The following SYT1 variants were observed in gnomAD, a reference collection of about 807,000 sequenced individuals.
SYT1 encodes the protein synaptotagmin 1.
SYT1 carries 8 observed loss-of-function variants against 44.8 expected under a neutral mutation model. The observed-to-expected ratio is 0.18, with a 90% CI of 0.10 to 0.32. SYT1 has a LOEUF of 0.32. Among genes scored for constraint, SYT1 ranks in the 10% least tolerant of loss-of-function variants. SYT1 has a pLI of 1.00. For synonymous variants in SYT1, 154 were observed against 188.8 expected, an observed-to-expected ratio of 0.82 and a Z score of 1.51; for missense variants, 286 against 509.3, an observed-to-expected ratio of 0.56 and a Z score of 4.22.
intron 3 of SYT1, among the ~76,000 whole-genome samples, chr12:79,049,899 C>T (rs551138370): frequency 5.9e-5 from 9 of 151,986 alleles, no homozygotes; most frequent in African/African-American, 1.9e-4. Flanking sequence ...GCATTTATTG[C>T]TTACAAAAGG....
At chr12:78,929,444 A>AAAAAAAAAAAAAAAAAAAAAAAAT (rs1877507283) in intron 1 of SYT1, among the ~76,000 whole-genome samples, 1 of 146,164 alleles carries the variant, frequency 6.8e-6, no homozygotes, top group Admixed American at 6.9e-5. Flanking sequence ...AAAAAAAAAA[A>AAAAAAAAAAAAAAAAAAAAAAAAT]AAGGTTATTA....
chr12:79,296,864 C>A (rs1879898001), intron 7 of SYT1, among the ~76,000 whole-genome samples: 1 of 152,134 alleles, frequency 6.6e-6, no homozygotes, highest in Non-Finnish European at 1.5e-5. Context: ...GAAAACATGT[C>A]CTGCAGGTCT....
At chr12:79,214,428 G>C (rs748620348) in intron 3 of SYT1, among the ~76,000 whole-genome samples, 1 of 152,022 alleles carries the variant, frequency 6.6e-6, no homozygotes, top group Non-Finnish European at 1.5e-5. Flanking sequence ...AAAAAAAGCT[G>C]GGTAACTTTA....
At chr12:79,052,473 A>G (rs1166573102) in intron 3 of SYT1, among the ~76,000 whole-genome samples, 1 of 152,210 alleles carries the variant, frequency 6.6e-6, no homozygotes. Context: ...AAAACACCAA[A>G]AGCAATGGCA....
intron 8 of SYT1, among the ~76,000 whole-genome samples, chr12:79,324,904 G>T (rs1881541996): frequency 6.6e-6 from 1 of 152,160 alleles, no homozygotes; most frequent in African/African-American, 2.4e-5. Flanking sequence ...CTACCTTTGA[G>T]ATACCATGAC....
intron 1 of SYT1, among the ~76,000 whole-genome samples, chr12:78,928,820 T>G (rs1289230248): frequency 6.6e-6 from 1 of 152,140 alleles, no homozygotes; most frequent in Non-Finnish European, 1.5e-5. Context: ...ATTTCCAAAA[T>G]TTTTTATTTA....
At chr12:78,977,570 T>C (rs2137423018) in intron 1 of SYT1, 1 of 152,368 alleles carries the variant, frequency 6.6e-6, no homozygotes, top group East Asian at 1.9e-4. Context: ...TTGAAATGTT[T>C]GTTCTTCTAG....
chr12:79,272,276 T>G (rs193054604), intron 4 of SYT1, among the ~76,000 whole-genome samples: 2 of 152,292 alleles, frequency 1.3e-5, no homozygotes, highest in East Asian at 3.9e-4. Context: ...GACAGAGGAC[T>G]TTGAACACTG....
At chr12:78,958,156 A>G (rs997835387) in intron 1 of SYT1, among the ~76,000 whole-genome samples, 1 of 152,156 alleles carries the variant, frequency 6.6e-6, no homozygotes, top group African/African-American at 2.4e-5. Context: ...TAATAAATGG[A>G]TTATGCTTCT....
intron 3 of SYT1, among the ~76,000 whole-genome samples, chr12:79,172,840 C>G (rs1362927741): frequency 6.6e-6 from 1 of 151,306 alleles, no homozygotes; most frequent in African/African-American, 2.4e-5. Flanking sequence ...CTTGGAAATA[C>G]TATGATCATT....
chr12:79,103,308 T>C (rs1878537819), intron 3 of SYT1, among the ~76,000 whole-genome samples: 1 of 152,192 alleles, frequency 6.6e-6, no homozygotes, highest in Non-Finnish European at 1.5e-5. Context: ...TTTCCTTATC[T>C]TTGGGCTTTG....
At chr12:79,053,484 G>A (rs934899249) in intron 3 of SYT1, among the ~76,000 whole-genome samples, 6 of 150,996 alleles carry the variant, frequency 4.0e-5, no homozygotes, top group East Asian at 1.9e-4. Flanking sequence ...TTGTGCACAC[G>A]CACCCCAAAA....
At chr12:79,388,591 G>T (rs1884531327) in intron 9 of SYT1, among the ~76,000 whole-genome samples, 1 of 152,016 alleles carries the variant, frequency 6.6e-6, no homozygotes, top group African/African-American at 2.4e-5. Context: ...CACACCTGTA[G>T]TTCCAGCTAC....
intron 1 of SYT1, among the ~76,000 whole-genome samples, chr12:78,893,161 G>A (rs1875149859): frequency 1.3e-5 from 2 of 151,672 alleles, no homozygotes; most frequent in Non-Finnish European, 2.9e-5. Context: ...GAATTTGTGG[G>A]CAATTTCAAT....
intron 3 of SYT1, among the ~76,000 whole-genome samples, chr12:79,081,226 T>A (rs1169294248): frequency 1.3e-5 from 2 of 152,198 alleles, no homozygotes; most frequent in African/African-American, 4.8e-5. Flanking sequence ...TGCTTACTAC[T>A]CAGCCCCCTT....
intron 2 of SYT1, among the ~76,000 whole-genome samples, chr12:78,987,790 C>A (rs1419609637): frequency 2.0e-5 from 3 of 152,064 alleles, no homozygotes; most frequent in African/African-American, 7.2e-5. Context: ...ACAATCTCTT[C>A]CGGAAGATAG....
chr12:79,124,349 AG>A (rs2138147527), intron 3 of SYT1, among the ~76,000 whole-genome samples: 1 of 151,882 alleles, frequency 6.6e-6, no homozygotes, highest in African/African-American at 2.4e-5. Context: ...ATACCACCAA[AG>A]CTCTCAGAAT....
intron 1 of SYT1, among the ~76,000 whole-genome samples, chr12:78,934,476 G>C (rs1268883689): frequency 2.0e-5 from 3 of 152,124 alleles, no homozygotes; most frequent in African/African-American, 7.2e-5. Flanking sequence ...GGTTGAGGCT[G>C]CAGTGAGCCA....
intron 3 of SYT1, among the ~76,000 whole-genome samples, chr12:79,140,979 G>A (rs915750870): frequency 6.6e-6 from 1 of 152,170 alleles, no homozygotes; most frequent in African/African-American, 2.4e-5. Flanking sequence ...TGCCAAGAGA[G>A]TTAGCTTCCT....
Sources: allele counts gnomAD v4.1 joint callset (sites outside exome capture counted in the v4.1 genomes callset), GRCh38; gene constraint gnomAD v4.1.1; transcripts MANE v1.5; gene names NCBI Gene and HGNC (gene_info 2026-07-23, HGNC 2026-07-21).